Variants in CACNA2D3 observed in about 807,000 individuals in gnomAD.
The protein encoded by CACNA2D3 is calcium voltage-gated channel auxiliary subunit alpha2delta 3, also known as voltage-dependent calcium channel subunit alpha-2/delta-3.
CACNA2D3 carries 60 observed loss-of-function variants against 160.6 expected under a neutral mutation model. That is an observed-to-expected ratio of 0.37 (90% CI 0.30 to 0.46). The LOEUF is 0.46. Ranked by LOEUF, CACNA2D3 falls within the 20% of genes least tolerant of loss-of-function variation. The probability of loss-of-function intolerance (pLI) is 1.00; values close to 1 mark genes in which losing one functional copy is unlikely to be tolerated. For synonymous variants in CACNA2D3, 558 were observed against 492.9 expected (o/e 1.13, Z -1.75); for missense variants, 1,205 against 1,365.0 (o/e 0.88, Z 1.85).
chr3:54,157,017 T>A (rs577965207), intron 2 of CACNA2D3, among the ~76,000 whole-genome samples: 2 of 152,344 alleles, frequency 1.3e-5, no homozygotes, highest in African/African-American at 4.8e-5. Context: ...TGCCATAGAC[T>A]GGGTGGCTTA....
chr3:54,626,708 A>AAC, intron 9 of CACNA2D3: 1 of 685,102 alleles, frequency 1.5e-6, no homozygotes, highest in Non-Finnish European at 2.4e-6. Flanking sequence ...AAAAAAAAAA[A>AAC]AGAAAGAAAA....
At chr3:54,736,635 A>G (rs1701537306) in intron 11 of CACNA2D3, among the ~76,000 whole-genome samples, 1 of 152,188 alleles carries the variant, frequency 6.6e-6, no homozygotes, top group Non-Finnish European at 1.5e-5. Flanking sequence ...TTGTATTTGT[A>G]TTGGTGCTTA....
rs771233428 is a variant in CACNA2D3, at chr3:54,554,748, AG to A, written c.545-8051del. ...TACCTAGGACTCAAGCTTCAAGGCC[AG>A]AGTCCTGACTGCCGTGCTGCTGTTC... On this transcript the variant is annotated intron_variant, in intron 5 of 37. Coordinates refer to ENST00000474759, the MANE Select transcript of CACNA2D3 (RefSeq NM_018398.3). Among the ~76,000 whole-genome samples, 5 of 152,194 alleles carry A rather than the reference AG, an allele frequency of 3.3e-5. No homozygotes were observed. The East Asian group carries it at 9.6e-4, about 29-fold the overall frequency.
At chr3:54,502,516 G>A (rs1343471643) in intron 4 of CACNA2D3, among the ~76,000 whole-genome samples, 1 of 152,120 alleles carries the variant, frequency 6.6e-6, no homozygotes, top group Non-Finnish European at 1.5e-5. Context: ...TTACCCATCT[G>A]TTCTTACATG....
At chr3:54,410,031 A>G (rs1699639264) in intron 4 of CACNA2D3, among the ~76,000 whole-genome samples, 1 of 152,192 alleles carries the variant, frequency 6.6e-6, no homozygotes. Flanking sequence ...TTGGAAGAAG[A>G]TGCTATCTAG....
intron 27 of CACNA2D3, among the ~76,000 whole-genome samples, chr3:54,925,544 T>C (rs1700989982): frequency 6.6e-6 from 1 of 152,252 alleles, no homozygotes; most frequent in African/African-American, 2.4e-5. Flanking sequence ...ATATGCCGTT[T>C]GTAGGCCACA....
In CACNA2D3 at chr3:54,899,825, A is replaced by G. The variant is rs779158018; in HGVS notation, c.2406A>G (p.Thr802=). ...VNKSNVVTAS[T]SIQLLDERKS... is the part of the protein sequence containing the mutation. ...AAAGCAATGTGGTGACAGCAAGTAC[A>G]TCCATCCAGCTCCTGGATGAACGGA... is the stretch of plus-strand genomic sequence containing the variant. Residue 802 remains threonine, a synonymous_variant, in exon 27 of 38, where the codon ACA becomes ACG. Transcript: ENST00000474759. 1.1e-5 allele frequency: 17 copies of G among 1,608,880 alleles called. No individual in the cohort carries two copies. The highest frequency in any genetic ancestry group is 1.3e-5 in the Non-Finnish European group (15 of 1,177,796).
chr3:54,297,750 C>G (rs184338657), intron 2 of CACNA2D3, among the ~76,000 whole-genome samples: 1 of 151,814 alleles, frequency 6.6e-6, no homozygotes, highest in Non-Finnish European at 1.5e-5. Flanking sequence ...ATGGTAACAC[C>G]ACTAAGAAGC....
chr3:54,210,216 C>T (rs1559883352), intron 2 of CACNA2D3, among the ~76,000 whole-genome samples: 1 of 152,050 alleles, frequency 6.6e-6, no homozygotes, highest in African/African-American at 2.4e-5. Flanking sequence ...ACCTGTGGCC[C>T]GGCCTCTGAG....
At chr3:54,982,605 G>A (rs559766738) in intron 29 of CACNA2D3, among the ~76,000 whole-genome samples, 3 of 152,192 alleles carry the variant, frequency 2.0e-5, no homozygotes, top group South Asian at 4.1e-4. Flanking sequence ...AAGGAATTCA[G>A]GGCAAGTTTA....
intron 11 of CACNA2D3, among the ~76,000 whole-genome samples, chr3:54,698,306 G>A (rs1467406651): frequency 1.3e-5 from 2 of 152,184 alleles, no homozygotes; most frequent in African/African-American, 2.4e-5. Context: ...ACACAGGGAT[G>A]ATGTTGTTTA....
At chr3:54,418,372 G>A (rs1051482254) in intron 4 of CACNA2D3, among the ~76,000 whole-genome samples, 1 of 152,140 alleles carries the variant, frequency 6.6e-6, no homozygotes, top group Non-Finnish European at 1.5e-5. Context: ...ACTTGAGATT[G>A]GCTGAAATGT....
intron 13 of CACNA2D3, among the ~76,000 whole-genome samples, chr3:54,782,678 CA>C (rs1389802965): frequency 4.0e-5 from 6 of 151,832 alleles, no homozygotes; most frequent in African/African-American, 1.5e-4. Flanking sequence ...TGCCTAAAAG[CA>C]TCATGCCATG....
intron 13 of CACNA2D3, among the ~76,000 whole-genome samples, chr3:54,777,431 G>A (rs1184127594): frequency 6.6e-6 from 1 of 152,172 alleles, no homozygotes; most frequent in Non-Finnish European, 1.5e-5. Flanking sequence ...CTATCTCTCA[G>A]TGCAAGGTCC....
At chr3:54,414,488 T>A (rs1308165712) in intron 4 of CACNA2D3, among the ~76,000 whole-genome samples, 2 of 152,148 alleles carry the variant, frequency 1.3e-5, no homozygotes, top group African/African-American at 4.8e-5. Flanking sequence ...AATACCATTA[T>A]TTGCTTCTTC....
intron 4 of CACNA2D3, among the ~76,000 whole-genome samples, chr3:54,485,386 A>T (rs1483255364): frequency 6.6e-6 from 1 of 152,170 alleles, no homozygotes; most frequent in African/African-American, 2.4e-5. Flanking sequence ...GAACTATAGG[A>T]TGGTTGGTCT....
In CACNA2D3 at chr3:54,499,265, T is replaced by C. The variant is rs79166892; in HGVS notation, c.382-4227T>C. On this transcript the variant is annotated intron_variant, in intron 4 of 37. Transcript: ENST00000474759. ...CACTGGGGCAGAACTCTTGGAAGGT[T>C]GCACCTGGATTCCTTGGGACTTTGC... Among the ~76,000 whole-genome samples the C allele has an allele frequency of 8.6e-3, 1,312 of 152,256 alleles. 21 individuals carry two copies. Among genetic ancestry groups the C allele is most frequent in the African/African-American group, 0.03 (1,250 of 41,552 alleles).
intron 27 of CACNA2D3, among the ~76,000 whole-genome samples, chr3:54,912,904 T>C (rs1020791695): frequency 2.6e-5 from 4 of 152,070 alleles, no homozygotes; most frequent in Non-Finnish European, 5.9e-5. Flanking sequence ...ATGGGAGGTA[T>C]TGTAGAAGTT....
chr3:55,047,691 AG>A (rs1169657433), intron 35 of CACNA2D3, among the ~76,000 whole-genome samples: 1 of 48,080 alleles, frequency 2.1e-5, no homozygotes, highest in Non-Finnish European at 3.8e-5. Flanking sequence ...TACCTTGGGC[AG>A]TATGGCCATT....
Sources: gnomAD v4.1 joint callset for allele counts (sites outside exome capture counted in the v4.1 genomes callset) on GRCh38, gnomAD v4.1.1 for gene constraint, MANE v1.5 for transcripts, NCBI Gene and HGNC (gene_info 2026-07-23, HGNC 2026-07-21) for gene names.